TRIM50: variants seen among roughly 807,000 people sequenced by gnomAD.
TRIM50 encodes E3 ubiquitin-protein ligase TRIM50.
TRIM50 carries 34 observed loss-of-function variants against 44.9 expected under a neutral mutation model. The observed-to-expected ratio is 0.76, with a 90% CI of 0.58 to 1.01. TRIM50 has a LOEUF of 1.01. Among genes scored for constraint, TRIM50 ranks in the 50% least tolerant of loss-of-function variants. The pLI, the probability that TRIM50 is intolerant of heterozygous loss-of-function variation, is 0.00. For missense variants in TRIM50, 633 were observed against 663.7 expected, an observed-to-expected ratio of 0.95 and a Z score of 0.51; for synonymous variants, 307 against 291.1, an observed-to-expected ratio of 1.05 and a Z score of -0.56.
chr7:73,317,659 C>G (rs1463937876), intron 5 of TRIM50, among the ~76,000 whole-genome samples: 1 of 152,100 alleles, frequency 6.6e-6, no homozygotes, highest in Non-Finnish European at 1.5e-5. Flanking sequence ...TGCCCAGCCT[C>G]TGTCCCTTCA....
At position 73,324,670 on chromosome 7, in the gene TRIM50, G is replaced by A; in HGVS notation, c.118C>T (p.Leu40=). The change falls in exon 2 of 7, where the codon CTG becomes TTG. Residue 40 remains leucine, a synonymous_variant. Transcript: ENST00000333149. ...TCCAGGTGGCAGGACAGGGAAACCA[G>A]GCAGCCCTTGCAGTAAGAGTGGCCA... ...QCGHSYCKGC[L]VSLSCHLDAE... 4 of 1,614,234 alleles carry A rather than the reference G, an allele frequency of 2.5e-6. 1 individual carries two copies. The South Asian group carries it at 3.3e-5, about 13-fold the overall frequency.
rs201629397 is a variant in TRIM50 at position 73,324,520 on chromosome 7, C to G, written c.268G>C (p.Val90Leu). 76 of 1,613,860 alleles carry G rather than the reference C, an allele frequency of 4.7e-5. No individual in the cohort carries two copies. Among genetic ancestry groups the G allele is most frequent in the Admixed American group, 4.0e-4 (24 of 60,006 alleles). ...AGGCTGAGCGGGTTCCGGTGGTGCA[C>G]GCAGACCTTGGGCTCCGGGTCCCCA... ...LPGDPEPKVCVHHRNPLSLFC... is the reference protein window; with the variant it reads ...LPGDPEPKVCLHHRNPLSLFC... The change falls in exon 2 of 7, where the codon GTG (valine) becomes CTG (leucine). Residue 90 changes from valine to leucine, a missense_variant. Transcript: ENST00000333149.
chr7:73,315,590 A>G (rs1804337869), intron 6 of TRIM50, among the ~76,000 whole-genome samples: 1 of 152,146 alleles, frequency 6.6e-6, no homozygotes, highest in South Asian at 2.1e-4. Flanking sequence ...CCTGGCCTCA[A>G]GCAGTCCTCC....
In TRIM50 at chr7:73,313,558, A is replaced by C; in HGVS notation, c.875-48T>G. 1 of 1,423,092 alleles carries C rather than the reference A, an allele frequency of 7.0e-7. No individual in the cohort carries two copies. The allele number at this position is 1,423,092 out of a possible 1,614,324, so 88.2% of individuals were successfully genotyped here. On this transcript the variant is annotated intron_variant, in intron 6 of 6. Transcript: ENST00000333149. The surrounding 1 kb of genome is among the most constrained non-coding windows in gnomAD (Gnocchi z 4.9). ...TCTGTGAGGCCACGTGGAGGGCAGC[A>C]GACCCGGCCCACAGAAGCTGATGGA...
intron 2 of TRIM50, chr7:73,321,769 C>A (rs1804502512): frequency 6.6e-6 from 1 of 152,218 alleles, no homozygotes; most frequent in South Asian, 2.1e-4. Context: ...AAGAATCAAG[C>A]ACTTGCTGGC....
In TRIM50 at chr7:73,319,035, G is replaced by A; in HGVS notation, c.513C>T (p.Phe171=). 1 of 1,613,982 alleles carries A rather than the reference G, an allele frequency of 6.2e-7. No homozygotes were observed. The highest frequency in any genetic ancestry group is 1.1e-5 in the South Asian group (1 of 91,078). Residue 171 remains phenylalanine, a synonymous_variant, in exon 4 of 7, where the codon TTC becomes TTT. Transcript: ENST00000333149. The part of the protein sequence containing the change: ...RTRIVNESDV[F]SWVIRREFQE... ...GGAACTCGCGGCGGATCACCCAGCT[G>A]AAGACATCCGACTCATTCTGGGACA... is the stretch of plus-strand genomic sequence containing the variant.
chr7:73,316,911 TG>T (rs1804375470), intron 5 of TRIM50: 1 of 532,158 alleles, frequency 1.9e-6, no homozygotes, highest in African/African-American at 2.0e-5. Flanking sequence ...AGTGCAGGTT[TG>T]GGGACCAGCA....
At chr7:73,318,163 G>A (rs1256245683) in intron 5 of TRIM50, among the ~76,000 whole-genome samples, 5 of 152,082 alleles carry the variant, frequency 3.3e-5, no homozygotes, top group Non-Finnish European at 7.4e-5. Context: ...GTCTCGCTCC[G>A]TCACCCAGGC....
chr7:73,321,432 C>G (rs1411210328), intron 2 of TRIM50, among the ~76,000 whole-genome samples: 3 of 152,180 alleles, frequency 2.0e-5, no homozygotes, highest in Non-Finnish European at 2.9e-5. Context: ...GAGGCTAATT[C>G]TAGGGCCAGT....
In TRIM50 at chr7:73,324,397, G is replaced by A. The variant is rs765472587; in HGVS notation, c.391C>T (p.Arg131Cys). Residue 131 changes from arginine to cysteine, a missense_variant, in exon 2 of 7, where the codon CGC (arginine) becomes TGC (cysteine). Transcript: ENST00000333149. ...GCACCCTCACTCCCCACCTTCATGC[G>A]GCTGTAGACGGTGGAGACGGGCGTG... ...PVTPVSTVYS[R>C]MKEELAALIS... The A allele has an allele frequency of 8.1e-6, 13 of 1,613,916 alleles. No homozygotes were observed. The highest frequency in any genetic ancestry group is 2.7e-5 in the African/African-American group (2 of 75,034).
rs376749412 is a variant in TRIM50 at position 73,327,985 on chromosome 7, G to A, written c.-104C>T. ...ATCCTGCCCCGCGAGCTCCAATTACGTGCCCCACCTAACCCCCCACGTCCG... is the reference window on the plus strand; with the variant it reads ...ATCCTGCCCCGCGAGCTCCAATTACATGCCCCACCTAACCCCCCACGTCCG... On this transcript the variant is annotated 5_prime_UTR_variant, in exon 1 of 7. In the 5' UTR this introduces an upstream ATG that the reference lacks. Transcript: ENST00000333149. 165 of 575,570 alleles carry A rather than the reference G, an allele frequency of 2.9e-4. 1 individual carries two copies. Among genetic ancestry groups the A allele is most frequent in the East Asian group, 2.3e-3 (79 of 34,284 alleles). 35.7% of individuals were successfully genotyped at this position (575,570 alleles called of 1,614,324 possible).
chr7:73,324,288 G>A (rs536838563), intron 2 of TRIM50, 101 bp downstream of exon 2: 15 of 1,584,418 alleles, frequency 9.5e-6, no homozygotes, highest in East Asian at 4.5e-5. Flanking sequence ...CAGGGAAATC[G>A]AGGATAGCTG....
In TRIM50 at chr7:73,320,209, G is replaced by C; in HGVS notation, c.433C>G (p.Gln145Glu). Residue 145 changes from glutamine to glutamate, a missense_variant, in exon 3 of 7, where the codon CAG becomes GAG. Physicochemically the swap from Gln to Glu is conservative, Grantham distance 29. Coordinates refer to ENST00000333149, the MANE Select transcript of TRIM50 (RefSeq NM_178125.3). ...AGCTCATCCACCTTTTTCTGCTCCT[G>C]CTTCAGCTCAGAGATGAGGGCTGCG... ...ELAALISELKQEQKKVDELIA... is the reference protein window; with the variant it reads ...ELAALISELKEEQKKVDELIA... 6.2e-7 allele frequency: 1 copy of C among 1,613,982 alleles called. No individual in the cohort carries two copies. Among genetic ancestry groups the C allele is most frequent in the Non-Finnish European group, 8.5e-7 (1 of 1,179,882 alleles).
Position 73,316,588 on chromosome 7 carries a change from CT to C in TRIM50, c.850del (p.Arg284GlyfsTer93), listed in dbSNP as rs782264769. On this transcript the variant is annotated frameshift_variant, in exon 6 of 7. Coordinates refer to ENST00000333149, the MANE Select transcript of TRIM50 (RefSeq NM_178125.3). LOFTEE classifies it high-confidence loss of function. ...ACCTGGCAAAACTTTCCGGAAGAGC[CT>C]TTTCCACACGGTCAGCTTGATGTCA... The part of the protein sequence containing the change: ...QADIKLTVWK[R>X]LFRKVLPAPE... 3.7e-6 allele frequency: 6 copies of C among 1,614,226 alleles called. No individual in the cohort carries two copies. The Admixed American group carries it at 1.0e-4, about 27-fold the overall frequency.
intron 3 of TRIM50, 91 bp from the exon 4 acceptor site, chr7:73,319,143 C>G (rs1278453791): frequency 4.4e-6 from 7 of 1,596,222 alleles, no homozygotes; most frequent in Non-Finnish European, 6.0e-6. Flanking sequence ...CCTTCCTGAC[C>G]GGGTTGGTCC....
In TRIM50 at chr7:73,327,123, T is replaced by C. The variant is rs193170687; in HGVS notation, c.-19+777A>G. Among the ~76,000 whole-genome samples the C allele has an allele frequency of 3.1e-3, 468 of 152,010 alleles. 4 individuals carry two copies. The highest frequency in any genetic ancestry group is 4.0e-3 in the Non-Finnish European group (271 of 67,978). ...CAGTTAATGAATATTATGGTCATAA[T>C]ATACTGCTGTGGTTTGAATGTATCC... On this transcript the variant is annotated intron_variant, in intron 1 of 6. Coordinates refer to ENST00000333149, the MANE Select transcript of TRIM50 (RefSeq NM_178125.3).
chr7:73,313,891 C>G lies in TRIM50; in HGVS notation c.875-381G>C, dbSNP rs868984901. On this transcript the variant is annotated intron_variant, in intron 6 of 6. Coordinates refer to ENST00000333149, the MANE Select transcript of TRIM50 (RefSeq NM_178125.3). The surrounding 1 kb of genome is among the most constrained non-coding windows in gnomAD (Gnocchi z 4.9). ...ACACAGAGGTGTTGTGGGAAGGACC[C>G]GGAAGACACCTGTCCTGTGAGCCTA... 6.6e-6 allele frequency among the ~76,000 whole-genome samples: 1 copy of G among 152,088 alleles called. No individual in the cohort carries two copies. Among genetic ancestry groups the G allele is most frequent in the Non-Finnish European group, 1.5e-5 (1 of 68,006 alleles).
chr7:73,313,006 T>G lies in TRIM50; in HGVS notation c.1379A>C (p.Glu460Ala), dbSNP rs1339386221. ...CATGGGCAGCGAGTTGCTGCCCCTCTCGTGCCAGCAGGTGTCCAGGATGGG... is the reference window on the plus strand; with the variant it reads ...CATGGGCAGCGAGTTGCTGCCCCTCGCGTGCCAGCAGGTGTCCAGGATGGG... Reference protein sequence around the residue: ...LYPILDTCWHERGSNSLPMVL... With the variant: ...LYPILDTCWHARGSNSLPMVL... Residue 460 changes from glutamate to alanine, a missense_variant, in exon 7 of 7, where the codon GAG becomes GCG. Physicochemically the swap from Glu to Ala is moderately radical, Grantham distance 107. Transcript: ENST00000333149. The surrounding 1 kb of genome is among the most constrained non-coding windows in gnomAD (Gnocchi z 4.9). The G allele has an allele frequency of 8.4e-6, 13 of 1,555,266 alleles. No homozygotes were observed. The African/African-American group carries it at 1.4e-4, about 16-fold the overall frequency.
At chr7:73,321,667 G>C (rs373070480) in intron 2 of TRIM50, among the ~76,000 whole-genome samples, 1 of 152,276 alleles carries the variant, frequency 6.6e-6, no homozygotes, top group East Asian at 1.9e-4. Flanking sequence ...AGCCCCCGTC[G>C]GTTTGTACCC....
Sources: allele counts gnomAD v4.1 joint callset (sites outside exome capture counted in the v4.1 genomes callset), GRCh38; gene constraint gnomAD v4.1.1; non-coding constraint Gnocchi (gnomAD v3.1); transcripts MANE v1.5; gene names NCBI Gene and HGNC (gene_info 2026-07-23, HGNC 2026-07-21).